MBNL2: variants seen among roughly 807,000 people sequenced by gnomAD.
MBNL2 encodes muscleblind-like protein 2.
Under a neutral mutation model 41.9 loss-of-function variants are expected in MBNL2, and 17 were observed. That is an observed-to-expected ratio of 0.41 (90% CI 0.28 to 0.61). MBNL2 has a LOEUF of 0.61. Among genes scored for constraint, MBNL2 ranks in the 20% least tolerant of loss-of-function variants. The pLI, the probability that MBNL2 is intolerant of heterozygous loss-of-function variation, is 0.35. For missense variants in MBNL2, 336 were observed against 505.6 expected (o/e 0.66, Z 3.22); for synonymous variants, 195 against 182.9 (o/e 1.07, Z -0.53).
At chr13:97,292,027 A>G (rs972984493) in intron 2 of MBNL2, among the ~76,000 whole-genome samples, 4 of 151,360 alleles carry the variant, frequency 2.6e-5, no homozygotes, top group Admixed American at 6.6e-5. Flanking sequence ...GTGAAACCCC[A>G]TCTCTACTAA....
At chr13:97,226,559 A>G (rs2041635103) in intron 1 of MBNL2, among the ~76,000 whole-genome samples, 1 of 152,212 alleles carries the variant, frequency 6.6e-6, no homozygotes, top group African/African-American at 2.4e-5. Flanking sequence ...ATTGGCTAAT[A>G]TTAATTTAGC....
intron 5 of MBNL2, among the ~76,000 whole-genome samples, chr13:97,352,600 AT>A (rs949994226): frequency 1.1e-4 from 17 of 152,248 alleles, no homozygotes; most frequent in Admixed American, 1.3e-4. Context: ...GAGAGATATA[AT>A]AACAATAAAT....
At chr13:97,218,278 C>T (rs550579428), upstream of MBNL2, among the ~76,000 whole-genome samples, 27 of 151,938 alleles carry the variant, frequency 1.8e-4, no homozygotes, top group African/African-American at 6.5e-4. Context: ...GGCGTGGTGG[C>T]GGGTGCCTGT....
intron 5 of MBNL2, among the ~76,000 whole-genome samples, chr13:97,355,721 A>G (rs2062927690): frequency 6.6e-6 from 1 of 152,158 alleles, no homozygotes; most frequent in African/African-American, 2.4e-5. Context: ...TCCCAAAATT[A>G]TGGTTCAAAG....
intron 4 of MBNL2, among the ~76,000 whole-genome samples, chr13:97,343,691 T>C (rs1025899246): frequency 1.3e-5 from 2 of 152,254 alleles, no homozygotes; most frequent in Middle Eastern, 3.2e-3. Context: ...GGTATGATCA[T>C]ATTTCAATGT....
Position 97,393,275 on chromosome 13 carries a change from G to C in MBNL2, c.*1826G>C, listed in dbSNP as rs1460088391. On this transcript the variant is annotated 3_prime_UTR_variant, in exon 9 of 9. Coordinates refer to ENST00000679496, the MANE Select transcript of MBNL2 (RefSeq NM_001382683.1). ...CATTCAAACTTGTTTTCTTTTTTCT[G>C]TTTTTTTCTTTGTTAATTCATTTAA... is the stretch of plus-strand genomic sequence containing the variant. 1 of 151,828 alleles carries C rather than the reference G, an allele frequency of 6.6e-6. No homozygotes were observed. The highest frequency in any genetic ancestry group is 1.5e-5 in the Non-Finnish European group (1 of 67,716). The allele number at this position is 151,828 out of a possible 1,614,324, so 9.4% of individuals were successfully genotyped here. A position where few individuals can be genotyped will look rare whatever the true frequency, so the allele number is the denominator to read the frequency against.
chr13:97,189,455 G>A, the MBNL2 span, among the ~76,000 whole-genome samples: 87 of 152,300 alleles, frequency 5.7e-4, no homozygotes, highest in African/African-American at 1.8e-3. Context: ...AAATGTTGTC[G>A]TAGGAAAATA....
chr13:97,288,641 C>T (rs2055156300), intron 2 of MBNL2, among the ~76,000 whole-genome samples: 1 of 152,206 alleles, frequency 6.6e-6, no homozygotes, highest in Admixed American at 6.5e-5. Context: ...ACCCATTTCA[C>T]AATTTTTCCA....
intron 1 of MBNL2, among the ~76,000 whole-genome samples, chr13:97,246,689 A>G (rs534249222): frequency 9.2e-5 from 14 of 152,248 alleles, no homozygotes; most frequent in Admixed American, 2.6e-4. Context: ...CCGAAGAGGC[A>G]TTTTATTAAT....
chr13:97,324,439 A>G (rs760270262), intron 2 of MBNL2, among the ~76,000 whole-genome samples: 6 of 152,208 alleles, frequency 3.9e-5, no homozygotes, highest in Non-Finnish European at 5.9e-5. Flanking sequence ...TCCAAGGCTC[A>G]GATAAAAATG....
At chr13:97,225,962 C>T (rs1049838346) in intron 1 of MBNL2, among the ~76,000 whole-genome samples, 3 of 151,962 alleles carry the variant, frequency 2.0e-5, no homozygotes, top group Non-Finnish European at 4.4e-5. Flanking sequence ...AAGACTTAAC[C>T]GGGCTTTGTA....
chr13:97,374,063 A>ATTTTTCTTTTTTTTT (rs2064691568), intron 8 of MBNL2, among the ~76,000 whole-genome samples: 1 of 63,128 alleles, frequency 1.6e-5, no homozygotes, highest in African/African-American at 5.6e-5. Context: ...CCTCCTTTGC[A>ATTTTTCTTTTTTTTT]TTTTTTTTTT....
chr13:97,275,077 C>T (rs1255341146), intron 1 of MBNL2, among the ~76,000 whole-genome samples: 3 of 152,084 alleles, frequency 2.0e-5, no homozygotes, highest in Non-Finnish European at 4.4e-5. Flanking sequence ...GGAAGATAAA[C>T]ATTAGGTAAG....
At chr13:97,156,262 A>C in the MBNL2 span, among the ~76,000 whole-genome samples, 2 of 132,074 alleles carry the variant, frequency 1.5e-5, no homozygotes, top group Non-Finnish European at 3.2e-5. Flanking sequence ...TTTTCTTGTA[A>C]ATTTGTTTGA....
the MBNL2 span, among the ~76,000 whole-genome samples, chr13:97,210,788 G>A: frequency 1.3e-5 from 2 of 151,758 alleles, no homozygotes; most frequent in Admixed American, 1.3e-4. Context: ...GGCCGCAAGT[G>A]ATCCACCCGC....
At chr13:97,190,974 A>G in the MBNL2 span, among the ~76,000 whole-genome samples, 24 of 152,272 alleles carry the variant, frequency 1.6e-4, no homozygotes, top group Middle Eastern at 3.4e-3. Flanking sequence ...ATGAGAGATG[A>G]GCATGTTCAT....
chr13:97,298,998 A>C (rs1424839652), intron 2 of MBNL2, among the ~76,000 whole-genome samples: 1 of 152,190 alleles, frequency 6.6e-6, no homozygotes, highest in African/African-American at 2.4e-5. Flanking sequence ...CATAGTGAAG[A>C]GAATAGCTTG....
chr13:97,158,592 T>G, the MBNL2 span, among the ~76,000 whole-genome samples: 12 of 151,340 alleles, frequency 7.9e-5, no homozygotes, highest in Admixed American at 2.6e-4. Flanking sequence ...TCTGGTATGT[T>G]GTGTCTTTGT....
chr13:97,243,480 G>A (rs904836870), intron 1 of MBNL2, among the ~76,000 whole-genome samples: 1 of 152,146 alleles, frequency 6.6e-6, no homozygotes, highest in African/African-American at 2.4e-5. Context: ...CTGGCTGGCT[G>A]GGGTAGTAGG....
Sources: allele counts gnomAD v4.1 joint callset (sites outside exome capture counted in the v4.1 genomes callset), GRCh38; gene constraint gnomAD v4.1.1; transcripts MANE v1.5; gene names NCBI Gene and HGNC (gene_info 2026-07-23, HGNC 2026-07-21).